Variants in SV2C observed in about 807,000 individuals in gnomAD.
SV2C encodes synaptic vesicle glycoprotein 2C.
In SV2C, 49 loss-of-function variants were observed where a neutral mutation model predicts 79.7. That is an observed-to-expected ratio of 0.61 (90% CI 0.49 to 0.78). The LOEUF (loss-of-function observed/expected upper bound fraction) is 0.78, where lower values mean the gene tolerates loss of function less well. Among genes scored for constraint, SV2C ranks in the 30% least tolerant of loss-of-function variants. The pLI, the probability that SV2C is intolerant of heterozygous loss-of-function variation, is 0.00. For synonymous variants in SV2C, 334 were observed against 333.2 expected (o/e 1.00, Z -0.03); for missense variants, 833 against 912.9 (o/e 0.91, Z 1.13).
At chr5:76,301,103 T>G (rs1747982013) in intron 11 of SV2C, among the ~76,000 whole-genome samples, 171 bp downstream of exon 11, 1 of 152,242 alleles carries the variant, frequency 6.6e-6, no homozygotes, top group Non-Finnish European at 1.5e-5. Context: ...ACATTTCATT[T>G]GAGTGGTTTC....
chr5:76,293,656 A>AC, intron 8 of SV2C, among the ~76,000 whole-genome samples: 1 of 151,192 alleles, frequency 6.6e-6, no homozygotes, highest in African/African-American at 2.4e-5. Context: ...CTACCCTCAC[A>AC]CCCCCACAGA....
chr5:76,278,840 T>C (rs1281296746), intron 4 of SV2C, among the ~76,000 whole-genome samples: 1 of 152,184 alleles, frequency 6.6e-6, no homozygotes, highest in East Asian at 1.9e-4. Context: ...GTGACCTTAT[T>C]GACATTTTAA....
chr5:76,295,857 G>A lies in SV2C; in HGVS notation c.1417G>A (p.Val473Met), dbSNP rs746007793. 2 of 1,613,504 alleles carry A rather than the reference G, an allele frequency of 1.2e-6. No homozygotes were observed. The highest frequency in any genetic ancestry group is 2.2e-5 in the East Asian group (1 of 44,858). The change falls in exon 9 of 13, where the codon GTG becomes ATG. Residue 473 changes from valine (V) to methionine (M), a missense_variant. Transcript: ENST00000502798. ...TGAATATGCATTGCTAACCAGAAATGTGGAGAGAGATAAATATGCAAATTT... is the reference window on the plus strand; with the variant it reads ...TGAATATGCATTGCTAACCAGAAATATGGAGAGAGATAAATATGCAAATTT... ...SDEYALLTRN[V>M]ERDKYANFTI...
At chr5:76,256,973 G>C (rs184463055) in intron 4 of SV2C, among the ~76,000 whole-genome samples, 7 of 152,298 alleles carry the variant, frequency 4.6e-5, no homozygotes, top group Non-Finnish European at 8.8e-5. Flanking sequence ...CCAGACATCT[G>C]AAGTCTTTTT....
the SV2C span, among the ~76,000 whole-genome samples, chr5:75,964,088 T>C: frequency 6.6e-6 from 1 of 152,128 alleles, no homozygotes; most frequent in Admixed American, 6.5e-5. Context: ...TCCTTCTGTC[T>C]CTTGGAGTAT....
chr5:76,116,770 A>G (rs559093507), intron 1 of SV2C, among the ~76,000 whole-genome samples: 1 of 152,164 alleles, frequency 6.6e-6, no homozygotes, highest in Non-Finnish European at 1.5e-5. Flanking sequence ...GTTGTAGCTG[A>G]TTATGCTTCA....
the SV2C span, among the ~76,000 whole-genome samples, chr5:76,049,535 A>G: frequency 6.6e-6 from 1 of 152,160 alleles, no homozygotes; most frequent in Non-Finnish European, 1.5e-5. Context: ...TGGCAGGATA[A>G]TTGAAGAAGA....
At chr5:75,915,910 T>C in the SV2C span, among the ~76,000 whole-genome samples, 1 of 152,116 alleles carries the variant, frequency 6.6e-6, no homozygotes, top group African/African-American at 2.4e-5. Flanking sequence ...ATATAATTCT[T>C]GGGGTAGGAA....
In SV2C at chr5:76,132,035, C is replaced by T. The variant is rs1561229625; in HGVS notation, c.285C>T (p.Gly95=). Residue 95 remains glycine (G), a synonymous_variant, in exon 2 of 13, where the codon GGC becomes GGT. Coordinates refer to ENST00000502798, the MANE Select transcript of SV2C (RefSeq NM_014979.4). ...DDEIYEGEYQ[G]IPSMNQAKDS... ...AGATCTATGAGGGGGAGTATCAGGG[C>T]ATCCCCAGTATGAACCAAGCGAAGG... 1 of 1,612,294 alleles carries T rather than the reference C, an allele frequency of 6.2e-7. No individual in the cohort carries two copies. The highest frequency in any genetic ancestry group is 8.5e-7 in the Non-Finnish European group (1 of 1,179,050).
At chr5:76,018,268 C>A in the SV2C span, among the ~76,000 whole-genome samples, 3 of 152,152 alleles carry the variant, frequency 2.0e-5, no homozygotes, top group African/African-American at 7.2e-5. Context: ...AAAATGTCTT[C>A]AGTTCTCTAT....
chr5:75,891,833 G>A, the SV2C span, among the ~76,000 whole-genome samples: 2 of 151,922 alleles, frequency 1.3e-5, no homozygotes, highest in African/African-American at 4.8e-5. Flanking sequence ...CTTCCTTTTT[G>A]TCTGTATTAA....
At chr5:75,921,323 G>A in the SV2C span, 1 of 1,260,900 alleles carries the variant, frequency 7.9e-7, no homozygotes, top group Non-Finnish European at 1.2e-6. Context: ...GTGCTGGCTG[G>A]TGGAGCTCAC....
chr5:76,236,078 T>G lies in SV2C; in HGVS notation c.913+26191T>G, dbSNP rs1461617168. Among the ~76,000 whole-genome samples the G allele has an allele frequency of 2.6e-5, 4 of 152,340 alleles. No homozygotes were observed. In the East Asian group the frequency reaches 7.7e-4, roughly 29 times the overall value. The stretch of plus-strand genomic sequence containing the variant: ...CTTCTCTAAGATAAAATGAGGTAAC[T>G]TTTTTGTTGGCACATGCTCCACACA... On this transcript the variant is annotated intron_variant, in intron 4 of 12. Transcript: ENST00000502798.
upstream of SV2C, among the ~76,000 whole-genome samples, chr5:76,080,481 CT>C (rs1746968826): frequency 6.6e-6 from 1 of 152,084 alleles, no homozygotes; most frequent in South Asian, 2.1e-4. Context: ...TTTGGAAAAC[CT>C]TGCCCTGACT....
chr5:75,944,689 T>A, the SV2C span, among the ~76,000 whole-genome samples: 1 of 152,110 alleles, frequency 6.6e-6, no homozygotes, highest in South Asian at 2.1e-4. Flanking sequence ...TGTCAGCAAG[T>A]GCTGACAGAA....
At chr5:75,885,556 C>T in the SV2C span, among the ~76,000 whole-genome samples, 1 of 152,084 alleles carries the variant, frequency 6.6e-6, no homozygotes, top group African/African-American at 2.4e-5. Context: ...GAAGTTCATG[C>T]TAACTACTAT....
intron 12 of SV2C, among the ~76,000 whole-genome samples, chr5:76,323,378 A>G (rs777741553): frequency 3.9e-5 from 6 of 152,246 alleles, no homozygotes; most frequent in Non-Finnish European, 7.3e-5. Flanking sequence ...TTAAAAAGTC[A>G]AGAAACAATA....
At chr5:76,268,499 T>G (rs1213821752) in intron 4 of SV2C, among the ~76,000 whole-genome samples, 1 of 152,178 alleles carries the variant, frequency 6.6e-6, no homozygotes, top group Non-Finnish European at 1.5e-5. Flanking sequence ...TGGTGTAAAC[T>G]TGTAGGGACA....
intron 4 of SV2C, among the ~76,000 whole-genome samples, chr5:76,214,349 A>G (rs947887497): frequency 4.6e-5 from 7 of 152,264 alleles, no homozygotes; most frequent in Non-Finnish European, 2.9e-5. Context: ...CTGTATAAGC[A>G]TGGGTTTATT....
Sources: allele counts gnomAD v4.1 joint callset (sites outside exome capture counted in the v4.1 genomes callset), GRCh38; gene constraint gnomAD v4.1.1; transcripts MANE v1.5; gene names NCBI Gene and HGNC (gene_info 2026-07-23, HGNC 2026-07-21).